The following TENM4 variants were observed in gnomAD, a reference collection of about 807,000 sequenced individuals.
The protein encoded by TENM4 is teneurin-4.
A neutral mutation model predicts 243.3 loss-of-function variants in TENM4; 82 were observed. That is an observed-to-expected ratio of 0.34 (90% CI 0.28 to 0.40). TENM4 has a LOEUF of 0.40. Ranked by LOEUF, TENM4 falls within the 10% of genes least tolerant of loss-of-function variation. TENM4 has a pLI of 1.00. For synonymous variants in TENM4, 1,412 were observed against 1,456.3 expected, an observed-to-expected ratio of 0.97 and a Z score of 0.69; for missense variants, 3,138 against 3,673.3, an observed-to-expected ratio of 0.85 and a Z score of 3.77.
At position 79,070,848 on chromosome 11, in the gene TENM4, C is replaced by T. The variant is rs141435444; in HGVS notation, c.-65-839G>A. Among the ~76,000 whole-genome samples, 457 of 152,286 alleles carry T rather than the reference C, an allele frequency of 3.0e-3. 4 individuals are homozygous for T. The highest frequency in any genetic ancestry group is 0.01 in the Middle Eastern group (3 of 294). On this transcript the variant is annotated intron_variant, in intron 4 of 33. Transcript: ENST00000278550. ...TCTAAAGCCTGCATTTTTCCTATTC[C>T]ATTCTGCCTCCCTGAGACGTCTCCC...
chr11:78,749,122 TG>T (rs1201478943), intron 19 of TENM4: 9 of 152,194 alleles, frequency 5.9e-5, no homozygotes, highest in Non-Finnish European at 1.3e-4. Context: ...AATAAAGGGA[TG>T]ATCAAGTGGC....
chr11:79,355,597 T>TCTCTGTTCTCTGGAAC, intron 1 of TENM4, among the ~76,000 whole-genome samples: 1 of 100,930 alleles, frequency 9.9e-6, no homozygotes, highest in African/African-American at 4.1e-5. Flanking sequence ...TTCTTCTGTT[T>TCTCTGTTCTCTGGAAC]ACACCAAAGG....
chr11:78,934,504 C>T (rs1399831286), intron 6 of TENM4, among the ~76,000 whole-genome samples: 1 of 152,126 alleles, frequency 6.6e-6, no homozygotes, highest in Non-Finnish European at 1.5e-5. Context: ...GTTAGACTGG[C>T]GGACCTGGAA....
chr11:79,176,703 A>T (rs769797152), intron 3 of TENM4, among the ~76,000 whole-genome samples: 4 of 152,208 alleles, frequency 2.6e-5, no homozygotes, highest in Non-Finnish European at 4.4e-5. Flanking sequence ...GTGTATGAGA[A>T]GATATGTTCC....
intron 1 of TENM4, among the ~76,000 whole-genome samples, chr11:79,398,365 G>A (rs1368929337): frequency 2.0e-5 from 3 of 152,126 alleles, no homozygotes; most frequent in Non-Finnish European, 4.4e-5. Context: ...AGTCAGCAAT[G>A]TTCATCCAGC....
chr11:79,096,177 A>G (rs1281300761), intron 4 of TENM4: 1 of 152,122 alleles, frequency 6.6e-6, no homozygotes, highest in Non-Finnish European at 1.5e-5. Context: ...GGTACTGTCT[A>G]CTTGCCCCAG....
chr11:78,976,282 T>C (rs758052055), intron 6 of TENM4, among the ~76,000 whole-genome samples: 30 of 152,162 alleles, frequency 2.0e-4, no homozygotes, highest in Admixed American at 5.2e-4. Context: ...AGTCAGGGAT[T>C]CGTGTAACCA....
chr11:79,187,546 A>G (rs1863401120), intron 3 of TENM4, among the ~76,000 whole-genome samples: 1 of 152,188 alleles, frequency 6.6e-6, no homozygotes. Flanking sequence ...CTGCCTCCCT[A>G]GGCAGGACAC....
intron 14 of TENM4, among the ~76,000 whole-genome samples, chr11:78,810,670 T>C (rs1248991106): frequency 6.6e-6 from 1 of 152,220 alleles, no homozygotes; most frequent in African/African-American, 2.4e-5. Context: ...CGCTTGGGGT[T>C]TATATACAGC....
chr11:79,069,650 C>A, intron 5 of TENM4, 72 bp downstream of exon 5: 1 of 1,476,440 alleles, frequency 6.8e-7, no homozygotes, highest in Non-Finnish European at 9.0e-7. Flanking sequence ...TGCGCCACGC[C>A]CACCCGAGCC....
At chr11:78,900,185 G>A (rs1289527531) in intron 7 of TENM4, among the ~76,000 whole-genome samples, 1 of 152,200 alleles carries the variant, frequency 6.6e-6, no homozygotes, top group Non-Finnish European at 1.5e-5. Flanking sequence ...TGTTTCCAAA[G>A]CCACTAAATT....
intron 12 of TENM4, among the ~76,000 whole-genome samples, chr11:78,840,515 T>C (rs945988163): frequency 3.3e-4 from 50 of 152,186 alleles, no homozygotes; most frequent in Non-Finnish European, 1.5e-4. Flanking sequence ...ATAACACTCA[T>C]TGTGCTGGCG....
intron 26 of TENM4, among the ~76,000 whole-genome samples, chr11:78,709,218 G>A (rs1026200437): frequency 6.6e-6 from 1 of 151,162 alleles, no homozygotes; most frequent in South Asian, 2.1e-4. Context: ...ACCCGCCTTG[G>A]CCTCCCAAAG....
chr11:79,374,398 A>G (rs1857848719), intron 1 of TENM4, among the ~76,000 whole-genome samples: 1 of 152,158 alleles, frequency 6.6e-6, no homozygotes, highest in South Asian at 2.1e-4. Context: ...AAGGCGATAA[A>G]CATTTTACAT....
At chr11:79,014,746 C>T (rs941989803) in intron 6 of TENM4, 6 of 152,154 alleles carry the variant, frequency 3.9e-5, no homozygotes, top group Non-Finnish European at 7.3e-5. Context: ...CAGAGAAAGC[C>T]GGTTCTGGGA....
chr11:79,028,600 G>A (rs1189694244), intron 6 of TENM4, among the ~76,000 whole-genome samples: 1 of 152,222 alleles, frequency 6.6e-6, no homozygotes, highest in Non-Finnish European at 1.5e-5. Flanking sequence ...CTGGTGACAA[G>A]CTGCCTCCAG....
rs555731291 is a variant in TENM4 at position 79,050,286 on chromosome 11, T to C, written c.493+14452A>G. On this transcript the variant is annotated intron_variant, in intron 6 of 33. Coordinates refer to ENST00000278550, the MANE Select transcript of TENM4 (RefSeq NM_001098816.3). ...CGATCTTTTTTCAAAATAAAATCCA[T>C]CTTTTAGCACTAGCTCTAGTGCTGG... 2.7e-4 allele frequency among the ~76,000 whole-genome samples: 41 copies of C among 152,314 alleles called. No individual in the cohort carries two copies. In the Middle Eastern group the frequency reaches 0.01, roughly 38 times the overall value.
intron 19 of TENM4, among the ~76,000 whole-genome samples, chr11:78,747,418 A>G (rs893440333): frequency 6.6e-5 from 10 of 152,232 alleles, no homozygotes; most frequent in African/African-American, 2.4e-4. Context: ...CATGGGTCAG[A>G]CAGACAACAG....
At chr11:78,759,992 G>A (rs981496086) in intron 18 of TENM4, among the ~76,000 whole-genome samples, 1 of 152,146 alleles carries the variant, frequency 6.6e-6, no homozygotes, top group Non-Finnish European at 1.5e-5. Flanking sequence ...ACTCTTCTGT[G>A]CCTCTTCCAG....
Sources: gnomAD v4.1 joint callset for allele counts (sites outside exome capture counted in the v4.1 genomes callset) on GRCh38, gnomAD v4.1.1 for gene constraint, MANE v1.5 for transcripts, NCBI Gene and HGNC (gene_info 2026-07-23, HGNC 2026-07-21) for gene names.